The following GADL1 variants were observed in gnomAD, a reference collection of about 807,000 sequenced individuals.
GADL1 encodes the protein GAD like acidic amino acid decarboxylase 1.
In GADL1, 71 loss-of-function variants were observed where a neutral mutation model predicts 69.5. The ratio of observed to expected loss-of-function variants is 1.02; its 90% CI spans 0.84 to 1.25. GADL1 has a LOEUF of 1.25. Ranked by LOEUF, GADL1 falls within the 50% of genes most tolerant of loss-of-function variation. The pLI is 0.00. For missense variants in GADL1, 737 were observed against 631.8 expected (o/e 1.17, Z -1.79); for synonymous variants, 254 against 214.4 (o/e 1.18, Z -1.62).
At chr3:30,800,854 A>ACACACACACACACAC (rs1559503658) in intron 12 of GADL1, 35 bp downstream of exon 12, 2 of 1,185,902 alleles carry the variant, frequency 1.7e-6, no homozygotes, top group African/African-American at 3.4e-5. Flanking sequence ...CACACACAGA[A>ACACACACACACACAC]AGAGAGAGAG....
chr3:30,758,059 C>T (rs795455), intron 14 of GADL1, among the ~76,000 whole-genome samples: 64,322 of 152,034 alleles, frequency 0.42, 13,671 homozygotes, highest in Non-Finnish European at 0.44. Flanking sequence ...CAAGATGCAG[C>T]AGCTTGCCCC....
At chr3:30,893,147 T>A (rs748820198) in intron 1 of GADL1, among the ~76,000 whole-genome samples, 1 of 152,258 alleles carries the variant, frequency 6.6e-6, no homozygotes, top group South Asian at 2.1e-4. Flanking sequence ...TGAGCCATCA[T>A]GCCCAGCCTA....
At chr3:30,881,530 C>T (rs1698640427) in intron 1 of GADL1, among the ~76,000 whole-genome samples, 1 of 149,236 alleles carries the variant, frequency 6.7e-6, no homozygotes, top group Admixed American at 6.6e-5. Flanking sequence ...TATCACTGAC[C>T]TTCATGGGAG....
At position 30,834,300 on chromosome 3, in the gene GADL1, T is replaced by C; in HGVS notation, c.904-19A>G. 6.2e-7 allele frequency: 1 copy of C among 1,602,232 alleles called. No individual in the cohort carries two copies. The highest frequency in any genetic ancestry group is 8.5e-7 in the Non-Finnish European group (1 of 1,169,956). ...AAGAAGCCTGTTGAGATATTTACAG[T>C]ACCAGAACAATGTTATTTCAATGTT... On this transcript the variant is annotated intron_variant, in intron 9 of 14. Coordinates refer to ENST00000282538, the MANE Select transcript of GADL1 (RefSeq NM_207359.3).
chr3:30,764,743 G>GTA (rs1696228960), intron 14 of GADL1, among the ~76,000 whole-genome samples: 1 of 152,170 alleles, frequency 6.6e-6, no homozygotes, highest in African/African-American at 2.4e-5. Flanking sequence ...AACTGCCACA[G>GTA]TATTCTAGTC....
At chr3:30,762,081 A>G (rs795441) in intron 14 of GADL1, among the ~76,000 whole-genome samples, 64,305 of 151,930 alleles carry the variant, frequency 0.42, 13,673 homozygotes, top group Non-Finnish European at 0.44. Flanking sequence ...ATCACCAAAT[A>G]TCTTGACTGC....
intron 3 of GADL1, among the ~76,000 whole-genome samples, chr3:30,856,766 G>A (rs1029821091): frequency 2.0e-5 from 3 of 151,960 alleles, no homozygotes; most frequent in Non-Finnish European, 2.9e-5. Flanking sequence ...AGTATGTGGG[G>A]GTTGGCAAGG....
intron 1 of GADL1, among the ~76,000 whole-genome samples, chr3:30,868,354 C>T (rs1161062007): frequency 6.6e-6 from 1 of 152,034 alleles, no homozygotes; most frequent in Non-Finnish European, 1.5e-5. Context: ...ATCTCACCAA[C>T]TCTCAACATG....
At chr3:30,768,953 T>C (rs1000548443) in intron 14 of GADL1, among the ~76,000 whole-genome samples, 3 of 152,132 alleles carry the variant, frequency 2.0e-5, no homozygotes, top group Admixed American at 1.3e-4. Context: ...AAAGAGACCA[T>C]GGAAAAAGTC....
At chr3:30,753,444 A>G (rs1250032014) in intron 14 of GADL1, among the ~76,000 whole-genome samples, 4 of 152,008 alleles carry the variant, frequency 2.6e-5, no homozygotes, top group African/African-American at 4.8e-5. Flanking sequence ...TTATTTTTTA[A>G]TTTTTAGGAA....
rs1463870087 is a variant in GADL1, at chr3:30,829,292, T to C, written c.1050+4561A>G. Among the ~76,000 whole-genome samples, 4 of 151,860 alleles carry C rather than the reference T, an allele frequency of 2.6e-5. No homozygotes were observed. The East Asian group carries it at 7.8e-4, about 29-fold the overall frequency. Reference sequence around the variant, plus strand: ...CAACTTTGAGAGCATCAGCTGTGCTTTGTTCCTGAAGCAGTCCTATTTACT... The same window carrying C: ...CAACTTTGAGAGCATCAGCTGTGCTCTGTTCCTGAAGCAGTCCTATTTACT... On this transcript the variant is annotated intron_variant, in intron 11 of 14. Coordinates refer to ENST00000282538, the MANE Select transcript of GADL1 (RefSeq NM_207359.3).
chr3:30,868,143 A>G (rs1446767306), intron 1 of GADL1, among the ~76,000 whole-genome samples: 1 of 152,050 alleles, frequency 6.6e-6, no homozygotes, highest in East Asian at 1.9e-4. Context: ...ATAGGCTTTT[A>G]TAGTAAATGA....
chr3:30,755,408 C>CT (rs968765482), intron 14 of GADL1, among the ~76,000 whole-genome samples: 1 of 151,990 alleles, frequency 6.6e-6, no homozygotes, highest in African/African-American at 2.4e-5. Flanking sequence ...TTCTAATAAG[C>CT]TAAAAACTTC....
intron 14 of GADL1, among the ~76,000 whole-genome samples, chr3:30,767,572 C>T (rs976928962): frequency 4.6e-5 from 7 of 152,074 alleles, no homozygotes; most frequent in Admixed American, 3.3e-4. Flanking sequence ...GCATGATACA[C>T]TAAAATAACT....
intron 9 of GADL1, among the ~76,000 whole-genome samples, chr3:30,835,398 A>G (rs1051961316): frequency 6.6e-6 from 1 of 152,108 alleles, no homozygotes; most frequent in Non-Finnish European, 1.5e-5. Context: ...AAGAAGTGGC[A>G]TGGTTGGCTG....
At chr3:30,883,091 T>C (rs923332748) in intron 1 of GADL1, among the ~76,000 whole-genome samples, 4 of 151,992 alleles carry the variant, frequency 2.6e-5, no homozygotes, top group Non-Finnish European at 4.4e-5. Context: ...TTTTCTCTCA[T>C]CCCATAGATT....
chr3:30,732,404 G>A lies in GADL1; in HGVS notation c.1393-3989C>T, dbSNP rs577261657. Among the ~76,000 whole-genome samples, 22 of 152,240 alleles carry A rather than the reference G, an allele frequency of 1.4e-4. No homozygotes were observed. The East Asian group carries it at 4.3e-3, about 29-fold the overall frequency. On this transcript the variant is annotated intron_variant, in intron 14 of 14. Coordinates refer to ENST00000282538, the MANE Select transcript of GADL1 (RefSeq NM_207359.3). ...CACTGGTCCCTGCATCTTAAGTGGA[G>A]GAAGATTCTGACATTTCTATTTGGA...
intron 1 of GADL1, among the ~76,000 whole-genome samples, chr3:30,882,186 A>G (rs148003990): frequency 6.6e-6 from 1 of 151,854 alleles, no homozygotes; most frequent in African/African-American, 2.4e-5. Flanking sequence ...AAAATTTACC[A>G]TCTTAACCAT....
rs146320126 is a variant in GADL1 at position 30,819,672 on chromosome 3, T to G, written c.1050+14181A>C. ...GAAAATGAATATTAATTACATAAAT[T>G]TAATAAGGACATGAAAAATAAATGC... On this transcript the variant is annotated intron_variant, in intron 11 of 14. Transcript: ENST00000282538. 5.9e-5 allele frequency among the ~76,000 whole-genome samples: 9 copies of G among 151,920 alleles called. No homozygotes were observed. The East Asian group carries it at 1.4e-3, about 23-fold the overall frequency.
Sources: gnomAD v4.1 joint callset for allele counts (sites outside exome capture counted in the v4.1 genomes callset) on GRCh38, gnomAD v4.1.1 for gene constraint, MANE v1.5 for transcripts, NCBI Gene and HGNC (gene_info 2026-07-23, HGNC 2026-07-21) for gene names.